Variants in TRPC3 observed in about 807,000 individuals in gnomAD.
The protein encoded by TRPC3 is short transient receptor potential channel 3.
In TRPC3, 54 loss-of-function variants were observed where a neutral mutation model predicts 90.9. The observed-to-expected ratio is 0.59, with a 90% confidence interval of 0.48 to 0.75. TRPC3 has a LOEUF of 0.75. Ranked by LOEUF, TRPC3 falls within the 30% of genes least tolerant of loss-of-function variation. TRPC3 has a pLI of 0.00. For synonymous variants in TRPC3, 424 were observed against 450.9 expected, an observed-to-expected ratio of 0.94 and a Z score of 0.75; for missense variants, 918 against 1,194.5, an observed-to-expected ratio of 0.77 and a Z score of 3.41.
intron 2 of TRPC3, among the ~76,000 whole-genome samples, chr4:121,931,504 CAAAT>C (rs1242155132): frequency 6.6e-6 from 1 of 151,980 alleles, no homozygotes; most frequent in African/African-American, 2.4e-5. Context: ...AATTTTTATA[CAAAT>C]AAATAATACT....
chr4:121,924,132 G>A (rs1194658949), intron 3 of TRPC3, among the ~76,000 whole-genome samples: 1 of 152,164 alleles, frequency 6.6e-6, no homozygotes, highest in Non-Finnish European at 1.5e-5. Context: ...CCTTAGACAT[G>A]TCATTGAAGC....
chr4:121,931,609 T>C (rs1016615849), intron 2 of TRPC3, among the ~76,000 whole-genome samples: 1 of 152,236 alleles, frequency 6.6e-6, no homozygotes, highest in Non-Finnish European at 1.5e-5. Context: ...TATTTCTAGA[T>C]TGAACTGACA....
chr4:121,906,190 G>C (rs1030271947), intron 7 of TRPC3, among the ~76,000 whole-genome samples: 2 of 152,092 alleles, frequency 1.3e-5, no homozygotes, highest in African/African-American at 4.8e-5. Context: ...AACTGACACT[G>C]AGAAATGTTC....
chr4:121,881,033 G>A (rs1727923404), intron 11 of TRPC3, among the ~76,000 whole-genome samples: 1 of 151,650 alleles, frequency 6.6e-6, no homozygotes, highest in Non-Finnish European at 1.5e-5. Flanking sequence ...GAAATCATGA[G>A]GCAGACTTCA....
rs371940806 is a variant in TRPC3 at position 121,907,479 on chromosome 4, C to A, written c.1881G>T (p.Ala627=). Residue 627 remains alanine, a synonymous_variant, in exon 7 of 12, where the codon GCG becomes GCT. Coordinates refer to ENST00000379645, the MANE Select transcript of TRPC3 (RefSeq NM_001130698.2). ...AGCTCTCATTTGCAGGGAGGATGTA[C>A]GCAATCCGAGAGAAGCTGAGCACAA... The part of the protein sequence containing the change: ...IAVVLSFSRI[A]YILPANESFG... 6.2e-6 allele frequency: 10 copies of A among 1,613,316 alleles called. No homozygotes were observed. Among genetic ancestry groups the A allele is most frequent in the Non-Finnish European group, 8.5e-6 (10 of 1,179,524 alleles).
At chr4:121,902,241 T>C (rs1374377517) in intron 9 of TRPC3, among the ~76,000 whole-genome samples, 1 of 152,196 alleles carries the variant, frequency 6.6e-6, no homozygotes, top group Non-Finnish European at 1.5e-5. Flanking sequence ...ATCTATACCA[T>C]TCTATCTCTG....
chr4:121,921,227 A>G (rs946043459), intron 3 of TRPC3, among the ~76,000 whole-genome samples: 6 of 152,156 alleles, frequency 3.9e-5, no homozygotes, highest in Non-Finnish European at 8.8e-5. Context: ...CAGAGGGTAG[A>G]AAAAAGACTT....
chr4:121,904,534 A>G lies in TRPC3; in HGVS notation c.2058-17T>C, dbSNP rs1578617610. On this transcript the variant is annotated splice_polypyrimidine_tract_variant and intron_variant, in intron 7 of 11. Transcript: ENST00000379645. ...TCTTCTACACTGTTGAAAAAATAAG[A>G]TACAAAGTAAGTAAGTTAACAGTTT... 3 of 1,513,990 alleles carry G rather than the reference A, an allele frequency of 2.0e-6. No individual in the cohort carries two copies. The highest frequency in any genetic ancestry group is 2.0e-4 in the Middle Eastern group (1 of 5,096). The allele number at this position is 1,513,990 out of a possible 1,614,324, so 93.8% of individuals were successfully genotyped here.
chr4:121,934,363 G>A (rs1357619601), intron 1 of TRPC3, among the ~76,000 whole-genome samples: 1 of 151,978 alleles, frequency 6.6e-6, no homozygotes, highest in Non-Finnish European at 1.5e-5. Context: ...ACAATATTTT[G>A]GTGGCTATTA....
intron 1 of TRPC3, chr4:121,933,331 A>C: frequency 9.1e-6 from 3 of 328,650 alleles, no homozygotes; most frequent in East Asian, 6.8e-5. Context: ...CCATATACCC[A>C]TGCCTTCCTT....
chr4:121,932,594 C>A lies in TRPC3; in HGVS notation c.664G>T (p.Ala222Ser), dbSNP rs749905737. 8.7e-6 allele frequency: 14 copies of A among 1,614,090 alleles called. No individual in the cohort carries two copies. Among genetic ancestry groups the A allele is most frequent in the Non-Finnish European group, 1.1e-5 (13 of 1,179,954 alleles). ...AAGCGCGTGCCGTCCTCGTCGTAAG[C>A]GTAGAAGTCGTCGTCCTGCAGCTCC... The part of the protein sequence containing the change: ...EQELQDDDFY[A>S]YDEDGTRFSP... The change falls in exon 2 of 12, where the codon GCT becomes TCT. Residue 222 changes from alanine to serine, a missense_variant. Physicochemically the swap from Ala to Ser is moderately conservative, Grantham distance 99. Transcript: ENST00000379645. This position sits in a 1 kb window ranked among gnomAD's most constrained non-coding sequence, Gnocchi z 7.7.
At chr4:121,902,465 G>A (rs1208162857) in intron 9 of TRPC3, among the ~76,000 whole-genome samples, 1 of 151,036 alleles carries the variant, frequency 6.6e-6, no homozygotes, top group Non-Finnish European at 1.5e-5. Context: ...AGGAGAATAT[G>A]GTGGTGGTGA....
intron 1 of TRPC3, among the ~76,000 whole-genome samples, chr4:121,946,267 C>T (rs1198097455): frequency 1.3e-5 from 2 of 152,066 alleles, no homozygotes; most frequent in African/African-American, 4.8e-5. Flanking sequence ...CAGAAGAGAG[C>T]TAATGAACAG....
intron 10 of TRPC3, among the ~76,000 whole-genome samples, chr4:121,891,751 T>G (rs917828310): frequency 6.6e-6 from 1 of 152,206 alleles, no homozygotes; most frequent in Non-Finnish European, 1.5e-5. Context: ...CTGTATCTTC[T>G]ATCAGTTTCT....
In TRPC3 at chr4:121,879,231, TAAAAAAAA is replaced by T. The variant is rs5861543; in HGVS notation, c.*497_*504del. ...GTTGTAAAATGTCTTCAGTTTCTAT[TAAAAAAAA>T]AAAAAAAAAACCTCTTCAGAACTTG... is the stretch of plus-strand genomic sequence containing the variant. On this transcript the variant is annotated 3_prime_UTR_variant, in exon 12 of 12. Coordinates refer to ENST00000379645, the MANE Select transcript of TRPC3 (RefSeq NM_001130698.2). The T allele has an allele frequency of 7.7e-6, 1 of 129,424 alleles. No homozygotes were observed. The highest frequency in any genetic ancestry group is 2.8e-5 in the African/African-American group (1 of 36,220). 8.0% of individuals were successfully genotyped at this position (129,424 alleles called of 1,614,324 possible). A position where few individuals can be genotyped will look rare whatever the true frequency, so the allele number is the denominator to read the frequency against.
chr4:121,906,837 G>A (rs903342908), intron 7 of TRPC3, among the ~76,000 whole-genome samples: 1 of 151,994 alleles, frequency 6.6e-6, no homozygotes, highest in African/African-American at 2.4e-5. Context: ...AAACCAGTAT[G>A]GCCAAAGGAA....
rs1728017467 is a variant in TRPC3 at position 121,883,727 on chromosome 4, T to A, written c.2548-1298A>T. Among the ~76,000 whole-genome samples the A allele has an allele frequency of 2.0e-5, 3 of 152,170 alleles. No individual in the cohort carries two copies. The South Asian group carries it at 6.2e-4, about 31-fold the overall frequency. ...AATTTAGTACTATCTTTTTAGTTTT[T>A]AAATTGATTTCTATTAACAAAATTT... On this transcript the variant is annotated intron_variant, in intron 10 of 11. Transcript: ENST00000379645.
At chr4:121,923,120 T>A (rs925428439) in intron 3 of TRPC3, among the ~76,000 whole-genome samples, 2 of 142,000 alleles carry the variant, frequency 1.4e-5, no homozygotes, top group Admixed American at 7.0e-5. Flanking sequence ...GAGAGAGATT[T>A]CCCCATCCTC....
chr4:121,909,683 G>A lies in TRPC3; in HGVS notation c.1792+471C>T, dbSNP rs945409669. Among the ~76,000 whole-genome samples, 12 of 152,090 alleles carry A rather than the reference G, an allele frequency of 7.9e-5. 2 individuals are homozygous for A. Among genetic ancestry groups the A allele is most frequent in the Admixed American group, 5.2e-4 (8 of 15,266 alleles). On this transcript the variant is annotated intron_variant, in intron 6 of 11. Coordinates refer to ENST00000379645, the MANE Select transcript of TRPC3 (RefSeq NM_001130698.2). ...GGTTCTCCAGAGCTTACATTCTCAC[G>A]GTCACTTTAGAACCTACTTCCTGCC...
Sources: allele counts gnomAD v4.1 joint callset (sites outside exome capture counted in the v4.1 genomes callset), GRCh38; gene constraint gnomAD v4.1.1; non-coding constraint Gnocchi (gnomAD v3.1); transcripts MANE v1.5; gene names NCBI Gene and HGNC (gene_info 2026-07-23, HGNC 2026-07-21).